The following XYLT1 variants were observed in gnomAD, a reference collection of about 807,000 sequenced individuals.
The protein encoded by XYLT1 is xylosyltransferase 1.
Under a neutral mutation model 91.3 loss-of-function variants are expected in XYLT1, and 36 were observed. The observed-to-expected ratio is 0.39, with a 90% confidence interval of 0.30 to 0.52. XYLT1 has a LOEUF of 0.52. Among genes scored for constraint, XYLT1 ranks in the 20% least tolerant of loss-of-function variants. XYLT1 has a pLI of 0.68. For missense variants in XYLT1, 1,242 were observed against 1,284.5 expected, an observed-to-expected ratio of 0.97 and a Z score of 0.51; for synonymous variants, 588 against 532.0, an observed-to-expected ratio of 1.11 and a Z score of -1.45.
chr16:17,385,292 A>G (rs1285819219), intron 1 of XYLT1, among the ~76,000 whole-genome samples: 8 of 151,292 alleles, frequency 5.3e-5, no homozygotes, highest in African/African-American at 1.9e-4. Context: ...ACACACACAC[A>G]CACACACACA....
chr16:17,437,304 C>A (rs917814962), intron 1 of XYLT1, among the ~76,000 whole-genome samples: 12 of 152,132 alleles, frequency 7.9e-5, no homozygotes, highest in Non-Finnish European at 1.6e-4. Context: ...TACAAGCTGC[C>A]GGCTTCCCAC....
At chr16:17,380,364 C>G (rs545469606) in intron 1 of XYLT1, among the ~76,000 whole-genome samples, 5 of 152,244 alleles carry the variant, frequency 3.3e-5, no homozygotes, top group African/African-American at 9.6e-5. Flanking sequence ...GCAGACGAAG[C>G]AGTTGACTCT....
At chr16:17,120,781 T>C (rs1179274370) in intron 10 of XYLT1, among the ~76,000 whole-genome samples, 3 of 152,182 alleles carry the variant, frequency 2.0e-5, no homozygotes, top group Admixed American at 1.3e-4. Flanking sequence ...GAAACAGTGC[T>C]GAACATAGAG....
rs79842053 is a variant in XYLT1 at position 17,197,941 on chromosome 16, T to C, written c.1289+271A>G. ...TCTGTCCCTCTAGAGAACCCTAATA[T>C]AAAGCTCCACGCGGGTTGGAGTTTC... is the stretch of plus-strand genomic sequence containing the variant. On this transcript the variant is annotated intron_variant, in intron 5 of 11. Coordinates refer to ENST00000261381, the MANE Select transcript of XYLT1 (RefSeq NM_022166.4). 18,622 of 519,382 alleles carry C rather than the reference T, an allele frequency of 0.036. 529 individuals are homozygous for C. The highest frequency in any genetic ancestry group is 0.05 in the Non-Finnish European group (14,509 of 288,078). 32.2% of individuals were successfully genotyped at this position (519,382 alleles called of 1,614,324 possible).
intron 3 of XYLT1, among the ~76,000 whole-genome samples, chr16:17,226,649 T>G (rs991765866): frequency 6.6e-6 from 1 of 151,764 alleles, no homozygotes; most frequent in Non-Finnish European, 1.5e-5. Context: ...TAGCCAGGTG[T>G]GGTGGTGGTG....
chr16:17,121,960 G>T (rs2030070935), intron 10 of XYLT1, among the ~76,000 whole-genome samples: 1 of 147,598 alleles, frequency 6.8e-6, no homozygotes, highest in African/African-American at 2.7e-5. Context: ...GTATTCCATG[G>T]GGTATATATA....
chr16:17,452,175 T>C (rs1483547847), intron 1 of XYLT1, among the ~76,000 whole-genome samples: 4 of 152,206 alleles, frequency 2.6e-5, no homozygotes, highest in Admixed American at 6.5e-5. Context: ...ATTAGCACTT[T>C]GTATGGTTGG....
chr16:17,188,110 T>C (rs566988288), intron 5 of XYLT1, among the ~76,000 whole-genome samples: 6 of 152,138 alleles, frequency 3.9e-5, no homozygotes, highest in Middle Eastern at 3.4e-3. Context: ...AAGCTCCTTA[T>C]GGCTTCCTTC....
chr16:17,391,375 A>C (rs1040028333), intron 1 of XYLT1, among the ~76,000 whole-genome samples: 6 of 152,140 alleles, frequency 3.9e-5, no homozygotes, highest in African/African-American at 1.2e-4. Flanking sequence ...AGCAGCACCC[A>C]TAACTTTGTC....
At chr16:17,414,151 C>T (rs1360648492) in intron 1 of XYLT1, among the ~76,000 whole-genome samples, 2 of 152,180 alleles carry the variant, frequency 1.3e-5, no homozygotes, top group African/African-American at 4.8e-5. Context: ...GCATGCTGTG[C>T]CTCTTCTTTC....
intron 3 of XYLT1, among the ~76,000 whole-genome samples, chr16:17,235,423 C>T (rs1182399854): frequency 2.0e-5 from 3 of 151,000 alleles, no homozygotes; most frequent in Non-Finnish European, 4.4e-5. Context: ...ACCAGTATCC[C>T]CATTTACAAA....
chr16:17,263,829 C>T (rs561177747), intron 2 of XYLT1, among the ~76,000 whole-genome samples: 2 of 152,254 alleles, frequency 1.3e-5, no homozygotes, highest in South Asian at 2.1e-4. Context: ...CTGCCTCAGC[C>T]TCCTGAGTAG....
At chr16:17,357,400 G>A (rs1354105306) in intron 2 of XYLT1, among the ~76,000 whole-genome samples, 1 of 151,992 alleles carries the variant, frequency 6.6e-6, no homozygotes, top group Non-Finnish European at 1.5e-5. Context: ...TGGCTCTGTT[G>A]AACTCCAAGG....
intron 1 of XYLT1, among the ~76,000 whole-genome samples, chr16:17,434,936 T>C (rs572756768): frequency 2.0e-5 from 3 of 152,036 alleles, no homozygotes; most frequent in Non-Finnish European, 1.5e-5. Flanking sequence ...GTGTGGAGTT[T>C]TAATGCAGAT....
intron 1 of XYLT1, among the ~76,000 whole-genome samples, chr16:17,410,645 C>CTTT (rs954524793): frequency 6.4e-5 from 6 of 93,036 alleles, no homozygotes; most frequent in Non-Finnish European, 1.4e-4. Flanking sequence ...CCTGTCATTA[C>CTTT]TTTTTTTTTT....
chr16:17,315,788 C>A (rs1190894415), intron 2 of XYLT1, among the ~76,000 whole-genome samples: 2 of 151,512 alleles, frequency 1.3e-5, no homozygotes, highest in African/African-American at 4.9e-5. Context: ...AAGTCTGACT[C>A]CAAGGCTAGG....
chr16:17,123,669 T>C (rs1812374), intron 10 of XYLT1, among the ~76,000 whole-genome samples: 98,958 of 152,030 alleles, frequency 0.65, 33,083 homozygotes, highest in Non-Finnish European at 0.71. Flanking sequence ...TAAAATGTTC[T>C]GTAAGTACCT....
intron 6 of XYLT1, among the ~76,000 whole-genome samples, chr16:17,158,064 T>C (rs890610557): frequency 1.4e-4 from 22 of 152,266 alleles, no homozygotes; most frequent in African/African-American, 5.3e-4. Context: ...GTATTTTCTA[T>C]TGGAATGAGG....
chr16:17,294,818 T>C (rs544516192), intron 2 of XYLT1, among the ~76,000 whole-genome samples: 4 of 152,188 alleles, frequency 2.6e-5, no homozygotes, highest in African/African-American at 9.6e-5. Context: ...ACAAGCACCC[T>C]TATTCCTGGT....
Sources: gnomAD v4.1 joint callset for allele counts (sites outside exome capture counted in the v4.1 genomes callset) on GRCh38, gnomAD v4.1.1 for gene constraint, MANE v1.5 for transcripts, NCBI Gene and HGNC (gene_info 2026-07-23, HGNC 2026-07-21) for gene names.